Variants in RIC8B observed in about 807,000 individuals in gnomAD.
RIC8B encodes RIC8 guanine nucleotide exchange factor B.
Under a neutral mutation model 57.5 loss-of-function variants are expected in RIC8B, and 16 were observed. The ratio of observed to expected loss-of-function variants is 0.28; its 90% CI spans 0.19 to 0.42. RIC8B has a LOEUF of 0.42. Ranked by LOEUF, RIC8B falls within the 10% of genes least tolerant of loss-of-function variation. The pLI, the probability that RIC8B is intolerant of heterozygous loss-of-function variation, is 1.00. For missense variants in RIC8B, 481 were observed against 677.0 expected, an observed-to-expected ratio of 0.71 and a Z score of 3.21; for synonymous variants, 216 against 250.8, an observed-to-expected ratio of 0.86 and a Z score of 1.31.
Position 106,867,921 on chromosome 12 carries a change from A to G in RIC8B, c.1452-2902A>G, listed in dbSNP as rs1426265000. 6.6e-6 allele frequency among the ~76,000 whole-genome samples: 1 copy of G among 152,228 alleles called. No individual in the cohort carries two copies. On this transcript the variant is annotated intron_variant, in intron 8 of 9. Transcript: ENST00000392837. The surrounding 1 kb of genome is among the most constrained non-coding windows in gnomAD (Gnocchi z 4.3). ...TTGGAGGGTTGGAATGTTTTACTCT[A>G]TGGCAAAAAATGAGTTCTTACTCTG...
At chr12:106,794,778 G>GT (rs1285041683) in intron 2 of RIC8B, among the ~76,000 whole-genome samples, 1 of 152,112 alleles carries the variant, frequency 6.6e-6, no homozygotes, top group Non-Finnish European at 1.5e-5. Context: ...AATAAAACAA[G>GT]TTCTTTAGAC....
chr12:106,809,687 CA>C (rs141764944), intron 2 of RIC8B, among the ~76,000 whole-genome samples: 7 of 149,550 alleles, frequency 4.7e-5, no homozygotes, highest in South Asian at 4.2e-4. Context: ...AAATTTGAAA[CA>C]AAAAAAAAAT....
At chr12:106,828,818 G>A (rs1011047633) in intron 4 of RIC8B, among the ~76,000 whole-genome samples, 1 of 152,046 alleles carries the variant, frequency 6.6e-6, no homozygotes, top group Admixed American at 6.6e-5. Context: ...ATTTTGATAC[G>A]CTGTTTAGGA....
intron 3 of RIC8B, among the ~76,000 whole-genome samples, chr12:106,817,824 C>CAAA (rs1256361414): frequency 0.31 from 35,041 of 111,550 alleles, 5,355 homozygotes; most frequent in Middle Eastern, 0.39. Context: ...AACACTGTCT[C>CAAA]AAAAAAAAAA....
chr12:106,792,216 G>A (rs2044289064), intron 2 of RIC8B, among the ~76,000 whole-genome samples: 1 of 152,100 alleles, frequency 6.6e-6, no homozygotes, highest in South Asian at 2.1e-4. Flanking sequence ...TGTATCATAG[G>A]GCAGGATGAA....
intron 3 of RIC8B, chr12:106,822,833 G>GT (rs1261888099): frequency 2.0e-5 from 3 of 152,570 alleles, no homozygotes; most frequent in Non-Finnish European, 4.4e-5. Flanking sequence ...TAGTGTGAAT[G>GT]AATCTCACAA....
chr12:106,848,072 G>A (rs1949287786), intron 6 of RIC8B, among the ~76,000 whole-genome samples: 1 of 152,182 alleles, frequency 6.6e-6, no homozygotes, highest in Admixed American at 6.5e-5. Flanking sequence ...TGCAAAAAGA[G>A]AGGGCTAAAG....
chr12:106,801,045 G>A (rs1338566291), intron 2 of RIC8B, among the ~76,000 whole-genome samples: 21 of 152,176 alleles, frequency 1.4e-4, no homozygotes, highest in Admixed American at 7.9e-4. Flanking sequence ...TGAAGATACC[G>A]CTGTATTTGC....
chr12:106,855,979 A>C (rs560445826), intron 7 of RIC8B, among the ~76,000 whole-genome samples: 1 of 151,938 alleles, frequency 6.6e-6, no homozygotes, highest in Non-Finnish European at 1.5e-5. Flanking sequence ...TCCTTCTATC[A>C]CTTTCTCTGC....
chr12:106,816,852 A>G (rs2045598396), intron 3 of RIC8B, among the ~76,000 whole-genome samples: 1 of 152,200 alleles, frequency 6.6e-6, no homozygotes, highest in Non-Finnish European at 1.5e-5. Flanking sequence ...GAAAATGTTG[A>G]AGTAGCAAAT....
chr12:106,827,115 G>A (rs138147192), intron 4 of RIC8B, among the ~76,000 whole-genome samples: 23 of 152,196 alleles, frequency 1.5e-4, no homozygotes, highest in East Asian at 9.7e-4. Context: ...CGACTTGTCC[G>A]TTAGAACTAT....
intron 1 of RIC8B, 143 bp from the exon 2 acceptor site, chr12:106,783,854 G>A: frequency 4.5e-6 from 3 of 662,056 alleles, no homozygotes; most frequent in Non-Finnish European, 7.9e-6. Context: ...TTACATGCCT[G>A]TCTCCCTTAC....
chr12:106,839,767 G>A (rs2046784680), intron 4 of RIC8B, among the ~76,000 whole-genome samples: 1 of 152,232 alleles, frequency 6.6e-6, no homozygotes. Context: ...TGTAATTCCA[G>A]CACTTTGGGA....
At chr12:106,824,885 C>T (rs1006920567) in intron 3 of RIC8B, among the ~76,000 whole-genome samples, 2 of 151,016 alleles carry the variant, frequency 1.3e-5, no homozygotes, top group African/African-American at 2.4e-5. Flanking sequence ...CCAGCCTAGG[C>T]GACAAGAGCA....
chr12:106,782,445 T>A (rs1191867115), intron 1 of RIC8B, among the ~76,000 whole-genome samples: 1 of 152,198 alleles, frequency 6.6e-6, no homozygotes, highest in East Asian at 1.9e-4. Context: ...CACAGGGCAT[T>A]ATGTCCTTAG....
chr12:106,785,245 T>C (rs1476620206), intron 2 of RIC8B, among the ~76,000 whole-genome samples: 3 of 152,182 alleles, frequency 2.0e-5, no homozygotes, highest in Non-Finnish European at 2.9e-5. Flanking sequence ...CCACATCCCT[T>C]CTGTTTCTTG....
chr12:106,860,241 A>G (rs1949874457), intron 7 of RIC8B, 27 bp from the exon 8 acceptor site: 2 of 1,534,466 alleles, frequency 1.3e-6, no homozygotes, highest in African/African-American at 1.4e-5. Context: ...AAGGATTCCT[A>G]TCTAAAACCC....
rs1223184499 is a variant in RIC8B, at chr12:106,843,967, T to A, written c.1161+20T>A. On this transcript the variant is annotated intron_variant, in intron 6 of 9. Coordinates refer to ENST00000392837, the MANE Select transcript of RIC8B (RefSeq NM_001330145.2). ...GATCAGGTAACTGCTTAATGCATAT[T>A]ACATTGCAAAGTTAGTCTTTTTATG... The A allele has an allele frequency of 8.0e-6, 12 of 1,503,476 alleles. No individual in the cohort carries two copies. Among genetic ancestry groups the A allele is most frequent in the Non-Finnish European group, 1.1e-5 (12 of 1,081,030 alleles). The allele number at this position is 1,503,476 out of a possible 1,614,324, so 93.1% of individuals were successfully genotyped here.
intron 7 of RIC8B, among the ~76,000 whole-genome samples, chr12:106,857,666 T>C (rs1394660127): frequency 6.6e-6 from 1 of 152,166 alleles, no homozygotes; most frequent in Admixed American, 6.5e-5. Flanking sequence ...ACCCAGAAAA[T>C]CTTTTGTTTG....
Sources: gnomAD v4.1 joint callset for allele counts (sites outside exome capture counted in the v4.1 genomes callset) on GRCh38, gnomAD v4.1.1 for gene constraint, Gnocchi (gnomAD v3.1) non-coding constraint, MANE v1.5 for transcripts, NCBI Gene and HGNC (gene_info 2026-07-23, HGNC 2026-07-21) for gene names.